ZSCAN1: variants seen among roughly 807,000 people sequenced by gnomAD.
ZSCAN1 encodes zinc finger and SCAN domain containing 1, also known as zinc finger and SCAN domain-containing protein 1.
In ZSCAN1, 23 loss-of-function variants were observed where a neutral mutation model predicts 23.8. The ratio of observed to expected loss-of-function variants is 0.97; its 90% CI spans 0.70 to 1.37. The LOEUF (loss-of-function observed/expected upper bound fraction) is 1.37. ZSCAN1 is among the 40% of genes most tolerant of loss of function. The probability of loss-of-function intolerance (pLI) is 0.00; values close to 1 mark genes in which losing one functional copy is unlikely to be tolerated. For synonymous variants in ZSCAN1, 236 were observed against 232.3 expected, an observed-to-expected ratio of 1.02 and a Z score of -0.15; for missense variants, 575 against 554.0, an observed-to-expected ratio of 1.04 and a Z score of -0.38.
chr19:58,052,271 C>T (rs1224384468), intron 4 of ZSCAN1, among the ~76,000 whole-genome samples: 1 of 152,230 alleles, frequency 6.6e-6, no homozygotes, highest in African/African-American at 2.4e-5. Context: ...TTTGTATAAG[C>T]AGAGTCTTGC....
Position 58,053,749 on chromosome 19 carries a change from G to C in ZSCAN1, c.925G>C (p.Glu309Gln). The change falls in exon 6 of 6, where the codon GAG becomes CAG. Residue 309 changes from glutamate to glutamine, a missense_variant. Transcript: ENST00000282326. The surrounding 1 kb of genome is among the most constrained non-coding windows in gnomAD (Gnocchi z 5.8). ...MVFTWVTHFI[E>Q]HQKTHREEGP... ...CTTCACCTGGGTCACCCACTTCATC[G>C]AGCACCAGAAGACCCATCGCGAGGA... is the stretch of plus-strand genomic sequence containing the variant. The C allele has an allele frequency of 1.2e-6, 2 of 1,614,022 alleles. No individual in the cohort carries two copies. Among genetic ancestry groups the C allele is most frequent in the Non-Finnish European group, 1.7e-6 (2 of 1,180,014 alleles).
chr19:58,052,392 C>A (rs973647050), intron 4 of ZSCAN1, 98 bp from the exon 5 acceptor site: 137 of 1,581,418 alleles, frequency 8.7e-5, no homozygotes, highest in Non-Finnish European at 1.1e-4. Flanking sequence ...TGGGACAGAG[C>A]CTTTGGGGAT....
At chr19:58,052,202 G>A (rs2073861745) in intron 4 of ZSCAN1, among the ~76,000 whole-genome samples, 1 of 152,242 alleles carries the variant, frequency 6.6e-6, no homozygotes, top group Admixed American at 6.5e-5. Flanking sequence ...TTTGTACAGG[G>A]GCCCCTCGAA....
downstream of ZSCAN1, among the ~76,000 whole-genome samples, chr19:58,056,103 A>G (rs2073888128): frequency 6.6e-6 from 1 of 151,544 alleles, no homozygotes; most frequent in Non-Finnish European, 1.5e-5. Flanking sequence ...CTCTCTCCCC[A>G]TTTCTTGAAT....
At chr19:58,036,554 C>T (rs1470839355) in intron 2 of ZSCAN1, among the ~76,000 whole-genome samples, 3 of 134,828 alleles carry the variant, frequency 2.2e-5, no homozygotes, top group East Asian at 2.1e-4. Context: ...CTTACTCTGT[C>T]GCTCAGGCTG....
chr19:58,037,494 G>A, intron 2 of ZSCAN1, among the ~76,000 whole-genome samples: 1 of 151,240 alleles, frequency 6.6e-6, no homozygotes, highest in Non-Finnish European at 1.5e-5. Flanking sequence ...GTGGGAAGGG[G>A]AGGGGCTGGG....
rs1034372672 is a variant in ZSCAN1, at chr19:58,040,314, C to A, written c.371-136C>A. ...GCCACATGGAGGGACAGAATGACAG[C>A]CCTGCAGCCACTCTTGCCTGCGCCT... On this transcript the variant is annotated intron_variant, in intron 3 of 5. Coordinates refer to ENST00000282326, the MANE Select transcript of ZSCAN1 (RefSeq NM_182572.4). The surrounding 1 kb of genome is among the most constrained non-coding windows in gnomAD (Gnocchi z 5.8). 59 of 866,180 alleles carry A rather than the reference C, an allele frequency of 6.8e-5. No individual in the cohort carries two copies. The highest frequency in any genetic ancestry group is 1.1e-4 in the Non-Finnish European group (57 of 542,092). The allele number at this position is 866,180 out of a possible 1,614,324, so 53.7% of individuals were successfully genotyped here. A position where few individuals can be genotyped will look rare whatever the true frequency, so the allele number is the denominator to read the frequency against.
At chr19:58,041,769 T>C (rs2073791116) in intron 4 of ZSCAN1, among the ~76,000 whole-genome samples, 1 of 152,014 alleles carries the variant, frequency 6.6e-6, no homozygotes, top group South Asian at 2.1e-4. Flanking sequence ...TTAGCAACTC[T>C]GGAGGCTGAG....
chr19:58,054,082 C>T lies in ZSCAN1; in HGVS notation c.*31C>T, dbSNP rs1193099738. On this transcript the variant is annotated 3_prime_UTR_variant, in exon 6 of 6. Coordinates refer to ENST00000282326, the MANE Select transcript of ZSCAN1 (RefSeq NM_182572.4). This position sits in a 1 kb window ranked among gnomAD's most constrained non-coding sequence, Gnocchi z 4.2. ...CAGCCTCGGGCCTCGGCCACCCGGC[C>T]CTGAGTCCCTGGGGGGAGCTGATGG... 4 of 1,456,902 alleles carry T rather than the reference C, an allele frequency of 2.7e-6. No homozygotes were observed. The highest frequency in any genetic ancestry group is 3.6e-6 in the Non-Finnish European group (4 of 1,106,320). The allele number at this position is 1,456,902 out of a possible 1,614,324, so 90.2% of individuals were successfully genotyped here.
At chr19:58,036,320 C>T (rs987223479) in intron 2 of ZSCAN1, among the ~76,000 whole-genome samples, 11 of 152,118 alleles carry the variant, frequency 7.2e-5, no homozygotes, top group Non-Finnish European at 1.5e-4. Flanking sequence ...TATAAATGGC[C>T]ACAGTGCTTT....
chr19:58,038,441 C>A, intron 3 of ZSCAN1: 1 of 620,730 alleles, frequency 1.6e-6, no homozygotes, highest in Non-Finnish European at 2.8e-6. Flanking sequence ...CTCCATTTCC[C>A]ATGCGTCCAT....
chr19:58,047,360 C>T lies in ZSCAN1; in HGVS notation c.466-5130C>T, dbSNP rs1277854810. On this transcript the variant is annotated intron_variant, in intron 4 of 5. Coordinates refer to ENST00000282326, the MANE Select transcript of ZSCAN1 (RefSeq NM_182572.4). This position sits in a 1 kb window ranked among gnomAD's most constrained non-coding sequence, Gnocchi z 4.9. Reference sequence around the variant, plus strand: ...AGTGACGTCTCCCTGCTGGCAGGGCCGGTTCTCACCTGCAGTTTTCCTTGT... The same window carrying T: ...AGTGACGTCTCCCTGCTGGCAGGGCTGGTTCTCACCTGCAGTTTTCCTTGT... Among the ~76,000 whole-genome samples, 4 of 152,254 alleles carry T rather than the reference C, an allele frequency of 2.6e-5. No homozygotes were observed. Among genetic ancestry groups the T allele is most frequent in the Non-Finnish European group, 4.4e-5 (3 of 68,050 alleles).
chr19:58,037,924 A>G lies in ZSCAN1; in HGVS notation c.88A>G (p.Ser30Gly). ...GCAGGACGCAGACCCTGGGCCAGCA[A>G]GCCCCAGGGACACCGAAGCCCAGCG... is the stretch of plus-strand genomic sequence containing the variant. ...SEQDADPGPA[S>G]PRDTEAQRLR... The change falls in exon 3 of 6, where the codon AGC becomes GGC. Residue 30 changes from serine to glycine, a missense_variant. By Grantham distance (56) the Ser-to-Gly change is moderately conservative. Coordinates refer to ENST00000282326, the MANE Select transcript of ZSCAN1 (RefSeq NM_182572.4). 6.2e-7 allele frequency: 1 copy of G among 1,600,862 alleles called. No individual in the cohort carries two copies. The highest frequency in any genetic ancestry group is 1.1e-5 in the South Asian group (1 of 90,912).
In ZSCAN1 at chr19:58,036,020, A is replaced by C. The variant is rs1014540443; in HGVS notation, c.-110+9A>C. 2 of 152,250 alleles carry C rather than the reference A, an allele frequency of 1.3e-5. No homozygotes were observed. Among genetic ancestry groups the C allele is most frequent in the Admixed American group, 1.3e-4 (2 of 15,282 alleles). The allele number at this position is 152,250 out of a possible 1,614,324, so 9.4% of individuals were successfully genotyped here. A position where few individuals can be genotyped will look rare whatever the true frequency, so the allele number is the denominator to read the frequency against. ...GGAGGAGATTCAGAGAAGTATGAAC[A>C]GCACAAAGCACTTGGCCGCCCCCCA... On this transcript the variant is annotated intron_variant, in intron 2 of 5. Coordinates refer to ENST00000282326, the MANE Select transcript of ZSCAN1 (RefSeq NM_182572.4).
At position 58,045,777 on chromosome 19, in the gene ZSCAN1, GCAC is replaced by G. The variant is rs2073821373; in HGVS notation, c.465+5235_465+5237del. ...GCCAGCTGAAGCAGTGGCTGGACCT[GCAC>G]CTGCATCAGGAGATCCCCACATCGC... On this transcript the variant is annotated intron_variant, in intron 4 of 5. Transcript: ENST00000282326. The surrounding 1 kb of genome is among the most constrained non-coding windows in gnomAD (Gnocchi z 4.3). 6.4e-7 allele frequency: 1 copy of G among 1,555,102 alleles called. No homozygotes were observed. Among genetic ancestry groups the G allele is most frequent in the Admixed American group, 1.7e-5 (1 of 59,752 alleles).
chr19:58,038,048 C>A lies in ZSCAN1; in HGVS notation c.212C>A (p.Ala71Glu), dbSNP rs1245681922. 2 of 1,611,670 alleles carry A rather than the reference C, an allele frequency of 1.2e-6. No homozygotes were observed. Among genetic ancestry groups the A allele is most frequent in the South Asian group, 2.2e-5 (2 of 91,028 alleles). Residue 71 changes from alanine (A) to glutamate (E), a missense_variant, in exon 3 of 6, where the codon GCG becomes GAG. Physicochemically the swap from Ala to Glu is moderately radical, Grantham distance 107 (BLOSUM62 -1). Transcript: ENST00000282326. Reference sequence around the variant, plus strand: ...TGCCGCCAGTGGCTGAGGCCCGAGGCGCGCTCCAAGGAGCAGATGCTGGAG... The same window carrying A: ...TGCCGCCAGTGGCTGAGGCCCGAGGAGCGCTCCAAGGAGCAGATGCTGGAG... ...TLCRQWLRPE[A>E]RSKEQMLELL...
intron 3 of ZSCAN1, among the ~76,000 whole-genome samples, chr19:58,039,105 A>G (rs1001833230): frequency 3.3e-5 from 5 of 152,256 alleles, no homozygotes; most frequent in Non-Finnish European, 7.3e-5. Context: ...CACAGGGTCC[A>G]GGGTCCCCTT....
Position 58,053,456 on chromosome 19 carries a change from C to T in ZSCAN1, c.632C>T (p.Pro211Leu), listed in dbSNP as rs370250109. 46 of 1,611,754 alleles carry T rather than the reference C, an allele frequency of 2.9e-5. No homozygotes were observed. Among genetic ancestry groups the T allele is most frequent in the Non-Finnish European group, 3.5e-5 (41 of 1,178,240 alleles). Residue 211 changes from proline to leucine, a missense_variant, in exon 6 of 6, where the codon CCG becomes CTG. Physicochemically the swap from Pro to Leu is moderately conservative, Grantham distance 98. Transcript: ENST00000282326. The surrounding 1 kb of genome is among the most constrained non-coding windows in gnomAD (Gnocchi z 5.8). ...LGSRARLPLKPSIWDEPEDLL... is the reference protein window; with the variant it reads ...LGSRARLPLKLSIWDEPEDLL... The stretch of plus-strand genomic sequence containing the variant: ...TCCCGGGCCCGCTTGCCTCTGAAGC[C>T]GAGTATCTGGGACGAGCCTGAGGAC...
At chr19:58,052,283 G>C (rs958153625) in intron 4 of ZSCAN1, among the ~76,000 whole-genome samples, 1 of 152,238 alleles carries the variant, frequency 6.6e-6, no homozygotes, top group African/African-American at 2.4e-5. Context: ...GAGTCTTGCT[G>C]TGTTGCCCAG....
Sources: gnomAD v4.1 joint callset for allele counts (sites outside exome capture counted in the v4.1 genomes callset) on GRCh38, gnomAD v4.1.1 for gene constraint, Gnocchi (gnomAD v3.1) non-coding constraint, MANE v1.5 for transcripts, NCBI Gene and HGNC (gene_info 2026-07-23, HGNC 2026-07-21) for gene names.